The following CDH18 variants were observed in gnomAD, a reference collection of about 807,000 sequenced individuals.
CDH18 encodes cadherin-18.
In CDH18, 31 loss-of-function variants were observed where a neutral mutation model predicts 67.9. The observed-to-expected ratio is 0.46, with a 90% CI of 0.34 to 0.62. The LOEUF is 0.62. Ranked by LOEUF, CDH18 falls within the 20% of genes least tolerant of loss-of-function variation. The pLI, the probability that CDH18 is intolerant of heterozygous loss-of-function variation, is 0.01. For missense variants in CDH18, 890 were observed against 975.5 expected, an observed-to-expected ratio of 0.91 and a Z score of 1.17; for synonymous variants, 362 against 347.2, an observed-to-expected ratio of 1.04 and a Z score of -0.48.
intron 2 of CDH18, among the ~76,000 whole-genome samples, chr5:20,022,512 C>A (rs1414596193): frequency 6.6e-6 from 1 of 152,002 alleles, no homozygotes; most frequent in Non-Finnish European, 1.5e-5. Context: ...GCAACAGATA[C>A]AAAAAACATT....
intron 4 of CDH18, among the ~76,000 whole-genome samples, chr5:19,741,036 T>C (rs1454357790): frequency 1.3e-5 from 2 of 150,964 alleles, no homozygotes; most frequent in Non-Finnish European, 3.0e-5. Flanking sequence ...AATGTTATAA[T>C]GCCATTCTGT....
At chr5:19,901,606 A>C (rs936774648) in intron 2 of CDH18, among the ~76,000 whole-genome samples, 1 of 152,090 alleles carries the variant, frequency 6.6e-6, no homozygotes, top group African/African-American at 2.4e-5. Flanking sequence ...TATATTTAAT[A>C]ATGTTCTAAA....
intron 12 of CDH18, among the ~76,000 whole-genome samples, 199 bp downstream of exon 12, chr5:19,483,102 C>T (rs1480961688): frequency 1.3e-5 from 2 of 152,138 alleles, no homozygotes; most frequent in Admixed American, 1.3e-4. Flanking sequence ...TATCCTTCTT[C>T]TGTTATTTCA....
chr5:20,229,641 A>C (rs1302964736), intron 2 of CDH18, among the ~76,000 whole-genome samples: 2 of 152,146 alleles, frequency 1.3e-5, no homozygotes, highest in Non-Finnish European at 2.9e-5. Context: ...GATAATATAC[A>C]AATACATCTT....
At chr5:20,315,511 C>T (rs982212289) in intron 1 of CDH18, among the ~76,000 whole-genome samples, 2 of 152,042 alleles carry the variant, frequency 1.3e-5, no homozygotes, top group Admixed American at 1.3e-4. Flanking sequence ...TGTAAAAGCT[C>T]AACTTTTAAC....
chr5:20,526,134 G>A (rs1451674202), intron 1 of CDH18, among the ~76,000 whole-genome samples: 1 of 152,088 alleles, frequency 6.6e-6, no homozygotes, highest in African/African-American at 2.4e-5. Flanking sequence ...GGGCAGCACA[G>A]CATCTATGGC....
At chr5:19,534,372 GA>G (rs1393108568) in intron 9 of CDH18, among the ~76,000 whole-genome samples, 1 of 151,958 alleles carries the variant, frequency 6.6e-6, no homozygotes, top group Non-Finnish European at 1.5e-5. Flanking sequence ...TTGTGAATGA[GA>G]ATGCATGAAC....
chr5:19,926,635 G>A (rs779852090), intron 2 of CDH18, among the ~76,000 whole-genome samples: 1 of 151,938 alleles, frequency 6.6e-6, no homozygotes, highest in Non-Finnish European at 1.5e-5. Context: ...ATATATTATA[G>A]GTAATAAAAT....
intron 5 of CDH18, among the ~76,000 whole-genome samples, chr5:19,704,408 A>G (rs13180695): frequency 0.56 from 85,505 of 152,034 alleles, 27,221 homozygotes; most frequent in East Asian, 0.74. Flanking sequence ...TGTACCTATA[A>G]ATTTATGGGG....
At chr5:20,030,409 G>C (rs770827399) in intron 2 of CDH18, among the ~76,000 whole-genome samples, 2 of 152,128 alleles carry the variant, frequency 1.3e-5, no homozygotes, top group Non-Finnish European at 2.9e-5. Context: ...ATATTTCATG[G>C]ACTACATCTG....
intron 1 of CDH18, among the ~76,000 whole-genome samples, chr5:20,380,292 T>C (rs949251253): frequency 1.3e-5 from 2 of 152,092 alleles, no homozygotes; most frequent in Non-Finnish European, 2.9e-5. Context: ...CTTAGGGAGG[T>C]ATTTAAAGAT....
At chr5:20,409,265 T>C (rs1746562574) in intron 1 of CDH18, among the ~76,000 whole-genome samples, 1 of 151,772 alleles carries the variant, frequency 6.6e-6, no homozygotes, top group Admixed American at 6.6e-5. Context: ...ATACAGCAAA[T>C]ATTAGGCCAC....
intron 3 of CDH18, among the ~76,000 whole-genome samples, chr5:19,832,333 T>A (rs1160127581): frequency 6.6e-6 from 1 of 152,112 alleles, no homozygotes; most frequent in African/African-American, 2.4e-5. Context: ...AAAATTTCAA[T>A]CGAGTTCAAA....
chr5:19,805,399 C>T (rs2030035), intron 3 of CDH18, among the ~76,000 whole-genome samples: 5,563 of 152,208 alleles, frequency 0.037, 319 homozygotes, highest in African/African-American at 0.13. Context: ...TCTGTGAAGT[C>T]CCAGTTTTCT....
intron 5 of CDH18, among the ~76,000 whole-genome samples, chr5:19,640,127 C>G (rs1054510571): frequency 6.6e-6 from 1 of 152,122 alleles, no homozygotes; most frequent in African/African-American, 2.4e-5. Flanking sequence ...GGTAGTTCTT[C>G]AAGTTGTAAC....
intron 1 of CDH18, among the ~76,000 whole-genome samples, chr5:20,414,637 T>C (rs1747121946): frequency 6.6e-6 from 1 of 152,164 alleles, no homozygotes. Context: ...AAATGCCAAT[T>C]ACCTAACTAC....
At chr5:19,772,476 C>T (rs1245163301) in intron 3 of CDH18, among the ~76,000 whole-genome samples, 2 of 152,022 alleles carry the variant, frequency 1.3e-5, no homozygotes, top group East Asian at 3.9e-4. Flanking sequence ...AAATGGGTTA[C>T]AAGAGAAGGA....
At chr5:20,208,815 C>T (rs1038738144) in intron 2 of CDH18, among the ~76,000 whole-genome samples, 3 of 151,978 alleles carry the variant, frequency 2.0e-5, no homozygotes, top group Non-Finnish European at 4.4e-5. Flanking sequence ...TATACGCAAA[C>T]TACTCATTTG....
At chr5:19,938,461 A>G (rs1279555187) in intron 2 of CDH18, among the ~76,000 whole-genome samples, 3 of 151,548 alleles carry the variant, frequency 2.0e-5, no homozygotes, top group East Asian at 1.9e-4. Context: ...CCATAACCCA[A>G]TAAGGTACAT....
Sources: gnomAD v4.1 joint callset for allele counts (sites outside exome capture counted in the v4.1 genomes callset) on GRCh38, gnomAD v4.1.1 for gene constraint, MANE v1.5 for transcripts, NCBI Gene and HGNC (gene_info 2026-07-23, HGNC 2026-07-21) for gene names.